Variants in HMBOX1 observed in about 807,000 individuals in gnomAD.
HMBOX1 encodes homeobox containing 1.
HMBOX1 carries 14 observed loss-of-function variants against 54.5 expected under a neutral mutation model. That is an observed-to-expected ratio of 0.26 (90% CI 0.17 to 0.40). The LOEUF is 0.40. HMBOX1 is among the 10% of genes least tolerant of loss of function. HMBOX1 has a pLI of 1.00. For missense variants in HMBOX1, 332 were observed against 514.4 expected (o/e 0.65, Z 3.43); for synonymous variants, 160 against 181.0 (o/e 0.88, Z 0.93).
intron 1 of HMBOX1, among the ~76,000 whole-genome samples, chr8:28,904,940 G>A (rs978616680): frequency 2.0e-5 from 3 of 152,118 alleles, no homozygotes; most frequent in Admixed American, 1.3e-4. Flanking sequence ...CTACCAAAGT[G>A]CTGGGATTAC....
chr8:28,967,559 A>G (rs970628675), intron 2 of HMBOX1, among the ~76,000 whole-genome samples: 2 of 152,224 alleles, frequency 1.3e-5, no homozygotes, highest in African/African-American at 4.8e-5. Flanking sequence ...TGATATGAAT[A>G]CTATAGGAAA....
chr8:29,041,573 A>G (rs1444523789), intron 6 of HMBOX1, among the ~76,000 whole-genome samples: 1 of 152,192 alleles, frequency 6.6e-6, no homozygotes, highest in Non-Finnish European at 1.5e-5. Context: ...GATATGTAAG[A>G]GAGGAACAGA....
At chr8:28,994,002 T>A (rs969585645) in intron 4 of HMBOX1, among the ~76,000 whole-genome samples, 2 of 152,046 alleles carry the variant, frequency 1.3e-5, no homozygotes, top group Admixed American at 6.5e-5. Flanking sequence ...AACCTGTCTC[T>A]ACTAAAAATA....
chr8:28,926,302 T>TAC (rs548652349), intron 1 of HMBOX1, among the ~76,000 whole-genome samples: 9,376 of 143,332 alleles, frequency 0.065, 397 homozygotes, highest in Middle Eastern at 0.094. Context: ...TATATATATA[T>TAC]ATACACACAC....
intron 4 of HMBOX1, among the ~76,000 whole-genome samples, chr8:28,980,934 C>T (rs546250759): frequency 2.0e-5 from 3 of 152,178 alleles, no homozygotes; most frequent in African/African-American, 7.2e-5. Flanking sequence ...AAAATTAATT[C>T]TCCCCTCCTT....
At position 28,965,036 on chromosome 8, in the gene HMBOX1, G is replaced by A. The variant is rs181534756; in HGVS notation, c.23+1146G>A. Among the ~76,000 whole-genome samples the A allele has an allele frequency of 8.7e-4, 133 of 152,318 alleles. 3 individuals carry two copies. Among genetic ancestry groups the A allele is most frequent in the Admixed American group, 7.8e-3 (119 of 15,304 alleles). On this transcript the variant is annotated intron_variant, in intron 2 of 9. Transcript: ENST00000287701. Reference sequence around the variant, plus strand: ...AGAAGTTTCTGAGATAGATGGCTAAGCATTCAGGAGAGTTAAGACGTCTAA... The same window carrying A: ...AGAAGTTTCTGAGATAGATGGCTAAACATTCAGGAGAGTTAAGACGTCTAA...
At chr8:29,025,026 G>T (rs950661711) in intron 6 of HMBOX1, among the ~76,000 whole-genome samples, 8 of 151,990 alleles carry the variant, frequency 5.3e-5, no homozygotes, top group Admixed American at 5.2e-4. Flanking sequence ...GTGCCAAAAA[G>T]GTTGGAGAAC....
chr8:29,019,689 G>A (rs1800869392), intron 6 of HMBOX1, among the ~76,000 whole-genome samples: 1 of 152,160 alleles, frequency 6.6e-6, no homozygotes, highest in African/African-American at 2.4e-5. Flanking sequence ...AGAGTCAGAA[G>A]ACCTATACCC....
At chr8:28,979,847 T>C (rs1202941984) in intron 3 of HMBOX1, among the ~76,000 whole-genome samples, 2 of 152,246 alleles carry the variant, frequency 1.3e-5, no homozygotes, top group African/African-American at 4.8e-5. Flanking sequence ...TATTGTGGTC[T>C]TCACTAAAGC....
intron 1 of HMBOX1, among the ~76,000 whole-genome samples, chr8:28,960,130 T>C (rs1030200106): frequency 6.6e-6 from 1 of 152,020 alleles, no homozygotes; most frequent in African/African-American, 2.4e-5. Flanking sequence ...TCAAATATTA[T>C]TTCTTAGTTC....
intron 1 of HMBOX1, among the ~76,000 whole-genome samples, chr8:28,933,386 G>A (rs1472683297): frequency 6.6e-6 from 1 of 152,180 alleles, no homozygotes; most frequent in Non-Finnish European, 1.5e-5. Context: ...AGCGATCTGA[G>A]CTTCCAGCTT....
rs79340608 is a variant in HMBOX1 at position 28,896,343 on chromosome 8, T to G, written c.-58+5665T>G. Among the ~76,000 whole-genome samples, 280 of 152,374 alleles carry G rather than the reference T, an allele frequency of 1.8e-3. 6 individuals carry two copies. In the East Asian group the frequency reaches 0.045, roughly 25 times the overall value. ...ATTAAAACCAGGAAATTGACATCAG[T>G]ACAATGTGTGTGTATAGTTCTATGC... is the stretch of plus-strand genomic sequence containing the variant. On this transcript the variant is annotated intron_variant, in intron 1 of 9. Transcript: ENST00000287701.
chr8:29,007,606 C>T (rs1003864984), intron 4 of HMBOX1, among the ~76,000 whole-genome samples: 2 of 152,040 alleles, frequency 1.3e-5, no homozygotes, highest in African/African-American at 4.8e-5. Flanking sequence ...CCACTTGAGC[C>T]CAGGAGTTCG....
chr8:28,931,618 T>A (rs1279358295), intron 1 of HMBOX1, among the ~76,000 whole-genome samples: 1 of 152,156 alleles, frequency 6.6e-6, no homozygotes, highest in Non-Finnish European at 1.5e-5. Flanking sequence ...CACATCTCAC[T>A]GCAGCCTCTA....
At chr8:28,978,577 G>A (rs1444020094) in intron 3 of HMBOX1, among the ~76,000 whole-genome samples, 3 of 152,120 alleles carry the variant, frequency 2.0e-5, no homozygotes, top group African/African-American at 7.2e-5. Flanking sequence ...GAGGTTAGGA[G>A]TTCGAGACCA....
chr8:28,994,504 T>C (rs745478733), intron 4 of HMBOX1, among the ~76,000 whole-genome samples: 4 of 152,182 alleles, frequency 2.6e-5, no homozygotes, highest in Non-Finnish European at 4.4e-5. Flanking sequence ...TTTTTAAAGC[T>C]GGAGAAAAGA....
intron 4 of HMBOX1, among the ~76,000 whole-genome samples, chr8:28,998,206 C>T (rs113514305): frequency 4.6e-5 from 7 of 152,028 alleles, no homozygotes; most frequent in African/African-American, 1.7e-4. Flanking sequence ...TTCATATAAT[C>T]GTTGTTGATC....
At chr8:28,917,405 T>A (rs1816757947) in intron 1 of HMBOX1, among the ~76,000 whole-genome samples, 1 of 152,238 alleles carries the variant, frequency 6.6e-6, no homozygotes, top group Admixed American at 6.5e-5. Context: ...ATTATCCTTG[T>A]ATCTTATAGC....
intron 1 of HMBOX1, among the ~76,000 whole-genome samples, chr8:28,937,851 A>C (rs1443813834): frequency 6.6e-6 from 1 of 151,990 alleles, no homozygotes; most frequent in Non-Finnish European, 1.5e-5. Flanking sequence ...TCTGCCATCT[A>C]TTCATTTTTG....
Sources: gnomAD v4.1 joint callset for allele counts (sites outside exome capture counted in the v4.1 genomes callset) on GRCh38, gnomAD v4.1.1 for gene constraint, MANE v1.5 for transcripts, NCBI Gene and HGNC (gene_info 2026-07-23, HGNC 2026-07-21) for gene names.